Variants in FAM135B observed in about 807,000 individuals in gnomAD.
The protein encoded by FAM135B is protein FAM135B.
A neutral mutation model predicts 127.7 loss-of-function variants in FAM135B; 43 were observed. The observed-to-expected ratio is 0.34, with a 90% CI of 0.26 to 0.43. The LOEUF is 0.43. Among genes scored for constraint, FAM135B ranks in the 20% least tolerant of loss-of-function variants. FAM135B has a pLI of 1.00. For missense variants in FAM135B, 1,558 were observed against 1,725.6 expected (o/e 0.90, Z 1.72); for synonymous variants, 670 against 665.1 (o/e 1.01, Z -0.11).
At chr8:138,281,329 G>A (rs574122832) in intron 3 of FAM135B, among the ~76,000 whole-genome samples, 8 of 151,610 alleles carry the variant, frequency 5.3e-5, no homozygotes, top group Admixed American at 4.6e-4. Context: ...GTCAAATCTC[G>A]CAGCTCTTCC....
At chr8:138,221,883 C>T (rs781570302) in intron 7 of FAM135B, among the ~76,000 whole-genome samples, 1 of 152,182 alleles carries the variant, frequency 6.6e-6, no homozygotes, top group Admixed American at 6.5e-5. Flanking sequence ...CCACACATAT[C>T]CAGCCCTGAA....
chr8:138,274,826 G>T (rs2130701875), intron 3 of FAM135B, among the ~76,000 whole-genome samples: 1 of 152,212 alleles, frequency 6.6e-6, no homozygotes, highest in Non-Finnish European at 1.5e-5. Flanking sequence ...CGGCTCACCG[G>T]CGGTCAGAGT....
At chr8:138,451,967 T>C (rs1836509620) in intron 1 of FAM135B, among the ~76,000 whole-genome samples, 1 of 152,094 alleles carries the variant, frequency 6.6e-6, no homozygotes. Context: ...CCTTCATTCT[T>C]TTTCACCTTG....
At chr8:138,234,194 G>A (rs1191449229) in intron 7 of FAM135B, among the ~76,000 whole-genome samples, 3 of 152,146 alleles carry the variant, frequency 2.0e-5, no homozygotes, top group South Asian at 2.1e-4. Context: ...AAAAAAAGAT[G>A]TGTTGACAAC....
At chr8:138,424,636 AT>A (rs1317535492) in intron 1 of FAM135B, among the ~76,000 whole-genome samples, 18 of 152,200 alleles carry the variant, frequency 1.2e-4, no homozygotes, top group Admixed American at 1.3e-4. Flanking sequence ...CTGTCAGGTT[AT>A]GTGGTTTGTT....
intron 1 of FAM135B, among the ~76,000 whole-genome samples, chr8:138,381,745 T>A (rs1831869765): frequency 6.6e-6 from 1 of 152,154 alleles, no homozygotes; most frequent in African/African-American, 2.4e-5. Context: ...ACTGATAGAA[T>A]TATACCCGTC....
chr8:138,286,950 C>A (rs1326070694), intron 3 of FAM135B, among the ~76,000 whole-genome samples: 2 of 152,130 alleles, frequency 1.3e-5, no homozygotes, highest in African/African-American at 4.8e-5. Context: ...CTTCCACCTG[C>A]AAAAGAGAAT....
chr8:138,313,916 C>G (rs911399096), intron 2 of FAM135B, among the ~76,000 whole-genome samples: 3 of 151,280 alleles, frequency 2.0e-5, no homozygotes, highest in Non-Finnish European at 4.4e-5. Flanking sequence ...TTCTGACACT[C>G]GGGTGCCCAA....
chr8:138,419,364 C>A (rs757361283), intron 1 of FAM135B, among the ~76,000 whole-genome samples: 1 of 152,074 alleles, frequency 6.6e-6, no homozygotes, highest in East Asian at 1.9e-4. Flanking sequence ...AAAAAAAGTT[C>A]TTAGAGACCT....
chr8:138,486,261 A>G (rs1267153160), intron 1 of FAM135B, among the ~76,000 whole-genome samples: 1 of 152,038 alleles, frequency 6.6e-6, no homozygotes, highest in Non-Finnish European at 1.5e-5. Flanking sequence ...TTTTTGCAGT[A>G]TTTCATGACT....
chr8:138,422,889 A>G (rs1834599617), intron 1 of FAM135B, among the ~76,000 whole-genome samples: 1 of 152,222 alleles, frequency 6.6e-6, no homozygotes, highest in Admixed American at 6.5e-5. Flanking sequence ...AGTGGACTGA[A>G]TAAAGAAAAT....
intron 1 of FAM135B, among the ~76,000 whole-genome samples, chr8:138,463,896 T>C (rs2131625816): frequency 6.6e-6 from 1 of 152,298 alleles, no homozygotes; most frequent in East Asian, 1.9e-4. Context: ...TAATTACCAT[T>C]ATTAAAATAA....
At chr8:138,320,452 A>C (rs922710950) in intron 2 of FAM135B, among the ~76,000 whole-genome samples, 6 of 152,218 alleles carry the variant, frequency 3.9e-5, no homozygotes, top group African/African-American at 1.2e-4. Flanking sequence ...CAATTTCCTC[A>C]TCACTCTTAT....
chr8:138,166,727 TA>T (rs1819960126), intron 12 of FAM135B, among the ~76,000 whole-genome samples: 1 of 152,178 alleles, frequency 6.6e-6, no homozygotes, highest in African/African-American at 2.4e-5. Flanking sequence ...GAACAATTAA[TA>T]AAAACAAATA....
intron 1 of FAM135B, among the ~76,000 whole-genome samples, chr8:138,400,683 G>A (rs1007565898): frequency 2.6e-5 from 4 of 152,212 alleles, no homozygotes; most frequent in South Asian, 2.1e-4. Context: ...ACCCATCCAA[G>A]ACAGGGAATG....
intron 3 of FAM135B, among the ~76,000 whole-genome samples, chr8:138,271,343 T>C (rs963319379): frequency 4.6e-5 from 7 of 152,210 alleles, no homozygotes; most frequent in Admixed American, 1.3e-4. Context: ...ACATGGAGTA[T>C]TGGATATTTT....
intron 1 of FAM135B, among the ~76,000 whole-genome samples, chr8:138,376,385 A>G (rs1409515105): frequency 6.6e-6 from 1 of 152,068 alleles, no homozygotes; most frequent in African/African-American, 2.4e-5. Context: ...TCTTTCCTGA[A>G]TATTCCCACC....
intron 1 of FAM135B, among the ~76,000 whole-genome samples, chr8:138,401,179 T>C (rs1181660458): frequency 6.6e-6 from 1 of 152,184 alleles, no homozygotes; most frequent in Non-Finnish European, 1.5e-5. Context: ...TTGCAGGACT[T>C]CTCAGAGCCT....
At chr8:138,203,848 G>A (rs1817348920) in intron 7 of FAM135B, among the ~76,000 whole-genome samples, 1 of 152,166 alleles carries the variant, frequency 6.6e-6, no homozygotes, top group African/African-American at 2.4e-5. Flanking sequence ...TCTGGAACTA[G>A]ATGGTCCCAT....
Sources: gnomAD v4.1 joint callset for allele counts (sites outside exome capture counted in the v4.1 genomes callset) on GRCh38, gnomAD v4.1.1 for gene constraint, MANE v1.5 for transcripts, NCBI Gene and HGNC (gene_info 2026-07-23, HGNC 2026-07-21) for gene names.